PTPN4: variants seen among roughly 807,000 people sequenced by gnomAD.
The protein encoded by PTPN4 is protein tyrosine phosphatase non-receptor type 4.
Under a neutral mutation model 135.5 loss-of-function variants are expected in PTPN4, and 49 were observed. The ratio of observed to expected loss-of-function variants is 0.36; its 90% CI spans 0.29 to 0.46. The LOEUF is 0.46. PTPN4 is among the 20% of genes least tolerant of loss of function. PTPN4 has a pLI of 1.00. For synonymous variants in PTPN4, 333 were observed against 369.9 expected (o/e 0.90, Z 1.14); for missense variants, 860 against 1,101.0 (o/e 0.78, Z 3.10).
At chr2:119,766,623 A>T (rs906605574) in intron 1 of PTPN4, among the ~76,000 whole-genome samples, 1 of 152,124 alleles carries the variant, frequency 6.6e-6, no homozygotes, top group Non-Finnish European at 1.5e-5. Context: ...TAAATAAGGG[A>T]TGATAAGATT....
At position 119,967,871 on chromosome 2, in the gene PTPN4, A is replaced by G. The variant is rs973537316; in HGVS notation, c.2593A>G (p.Met865Val). 1.9e-6 allele frequency: 3 copies of G among 1,611,238 alleles called. No individual in the cohort carries two copies. The highest frequency in any genetic ancestry group is 2.5e-6 in the Non-Finnish European group (3 of 1,178,148). Residue 865 changes from methionine to valine, a missense_variant, in exon 26 of 27, where the codon ATG becomes GTG. By Grantham distance (21) the Met-to-Val change is conservative. Around this residue, in one of 2 missense-constraint regions of PTPN4, gnomAD observed 176 missense variants for 294.1 expected, o/e 0.60. Coordinates refer to ENST00000263708, the MANE Select transcript of PTPN4 (RefSeq NM_002830.4). ...CGGAAGAACTGGGGTTCTTATTACT[A>G]TGGAAACAGCCATGTGTCTCATTGA... ...GIGRTGVLIT[M>V]ETAMCLIECN...
Position 119,793,126 on chromosome 2 carries a change from T to G in PTPN4, c.-17-16711T>G, listed in dbSNP as rs556374840. On this transcript the variant is annotated intron_variant, in intron 1 of 26. Transcript: ENST00000263708. ...TGGAATTTCCTAATCCTAGCAAGCC[T>G]GGGGACGCTGCAGGAGACCAGGGCG... 3.3e-5 allele frequency among the ~76,000 whole-genome samples: 5 copies of G among 152,314 alleles called. No individual in the cohort carries two copies. In the East Asian group the frequency reaches 9.6e-4, roughly 29 times the overall value.
At chr2:119,957,685 A>T (rs1050708529) in intron 22 of PTPN4, among the ~76,000 whole-genome samples, 2 of 152,176 alleles carry the variant, frequency 1.3e-5, no homozygotes, top group African/African-American at 4.8e-5. Context: ...TTTCAAATGT[A>T]CAAAATTAAA....
intron 1 of PTPN4, among the ~76,000 whole-genome samples, chr2:119,800,924 T>C (rs774454265): frequency 2.6e-5 from 4 of 152,166 alleles, no homozygotes; most frequent in Non-Finnish European, 4.4e-5. Context: ...TCTCTACTTC[T>C]GTCGTTACCA....
At chr2:119,948,306 T>C (rs1339368459) in intron 18 of PTPN4, among the ~76,000 whole-genome samples, 1 of 152,072 alleles carries the variant, frequency 6.6e-6, no homozygotes, top group African/African-American at 2.4e-5. Flanking sequence ...AAGATATATC[T>C]AAAGTGTTGA....
At chr2:119,976,705 G>A (rs1399949865) in intron 26 of PTPN4, among the ~76,000 whole-genome samples, 2 of 152,124 alleles carry the variant, frequency 1.3e-5, no homozygotes, top group African/African-American at 4.8e-5. Flanking sequence ...GGTAAATTAG[G>A]TTAATTTTCT....
At chr2:119,851,516 G>T (rs1677591021) in intron 2 of PTPN4, among the ~76,000 whole-genome samples, 1 of 152,104 alleles carries the variant, frequency 6.6e-6, no homozygotes, top group African/African-American at 2.4e-5. Flanking sequence ...CTTACGGTGG[G>T]CTGTCCATAT....
chr2:119,855,329 T>C (rs568625878), intron 2 of PTPN4, among the ~76,000 whole-genome samples: 8 of 152,258 alleles, frequency 5.3e-5, no homozygotes, highest in Non-Finnish European at 1.0e-4. Flanking sequence ...AATTTAAAAA[T>C]AACAAGTTGG....
In PTPN4 at chr2:119,956,905, C is replaced by A. The variant is rs747829867; in HGVS notation, c.2042C>A (p.Ser681Tyr). The A allele has an allele frequency of 6.2e-7, 1 of 1,607,992 alleles. No individual in the cohort carries two copies. The highest frequency in any genetic ancestry group is 8.5e-7 in the Non-Finnish European group (1 of 1,178,602). Residue 681 changes from serine to tyrosine, a missense_variant, in exon 21 of 27, where the codon TCC (serine) becomes TAC (tyrosine). This residue lies in a region of PTPN4 where 684 missense variants were observed against 807.0 expected (regional missense o/e 0.85). Coordinates refer to ENST00000263708, the MANE Select transcript of PTPN4 (RefSeq NM_002830.4). ...MSCAKLPQNISKNRYRDISPY... is the reference protein window; with the variant it reads ...MSCAKLPQNIYKNRYRDISPY... ...TGTGCCAAATTACCTCAGAATATTT[C>A]CAAAAATAGATACAGAGATATTTCG...
At chr2:119,802,852 TGGG>T (rs1197964638) in intron 1 of PTPN4, among the ~76,000 whole-genome samples, 1 of 152,126 alleles carries the variant, frequency 6.6e-6, no homozygotes, top group African/African-American at 2.4e-5. Context: ...AATATTCTGT[TGGG>T]GGAGTTTTAG....
At chr2:119,872,360 A>G (rs1360600750) in intron 3 of PTPN4, among the ~76,000 whole-genome samples, 1 of 152,226 alleles carries the variant, frequency 6.6e-6, no homozygotes, top group African/African-American at 2.4e-5. Flanking sequence ...ATCACAATGT[A>G]TACAGCTACC....
chr2:119,837,484 G>A (rs895455251), intron 2 of PTPN4, among the ~76,000 whole-genome samples: 5 of 151,504 alleles, frequency 3.3e-5, no homozygotes, highest in African/African-American at 1.2e-4. Flanking sequence ...CTATGCTGTC[G>A]CTCCGTGAAC....
intron 10 of PTPN4, 123 bp downstream of exon 10, chr2:119,900,929 T>C (rs993672443): frequency 5.3e-5 from 28 of 525,696 alleles, no homozygotes; most frequent in Admixed American, 2.0e-4. Flanking sequence ...ATAAACTTTA[T>C]ACTTTATCCC....
intron 2 of PTPN4, among the ~76,000 whole-genome samples, chr2:119,860,587 G>A (rs568955554): frequency 6.6e-6 from 1 of 152,274 alleles, no homozygotes; most frequent in South Asian, 2.1e-4. Flanking sequence ...TGTCCTTAGT[G>A]TTTCATCCAT....
At chr2:119,932,682 T>C in intron 14 of PTPN4, 133 bp downstream of exon 14, 1 of 1,079,390 alleles carries the variant, frequency 9.3e-7, no homozygotes, top group African/African-American at 1.6e-5. Context: ...TTTTTGTTGC[T>C]CCAGAGCATT....
chr2:119,858,572 C>T (rs952985924), intron 2 of PTPN4, among the ~76,000 whole-genome samples: 1 of 152,010 alleles, frequency 6.6e-6, no homozygotes, highest in East Asian at 1.9e-4. Context: ...ATGAATGTCA[C>T]CTCATTTTTT....
intron 19 of PTPN4, 24 bp downstream of exon 19, chr2:119,952,153 A>G: frequency 3.8e-6 from 6 of 1,588,602 alleles, no homozygotes; most frequent in Non-Finnish European, 2.6e-6. Context: ...GTAGTACCAG[A>G]TAATTTATAG....
At chr2:119,945,521 T>C (rs1347396975) in intron 16 of PTPN4, among the ~76,000 whole-genome samples, 1 of 152,084 alleles carries the variant, frequency 6.6e-6, no homozygotes, top group Non-Finnish European at 1.5e-5. Flanking sequence ...TCAGATTTTT[T>C]CCTTCAAAGA....
intron 2 of PTPN4, among the ~76,000 whole-genome samples, chr2:119,858,648 CTGT>C (rs940482576): frequency 2.6e-5 from 4 of 151,292 alleles, no homozygotes; most frequent in Admixed American, 6.6e-5. Flanking sequence ...TCTGTTTTTT[CTGT>C]TGTTCTTTTT....
Sources: gnomAD v4.1 joint callset for allele counts (sites outside exome capture counted in the v4.1 genomes callset) on GRCh38, gnomAD v4.1.1 for gene constraint, gnomAD v4.1.1 regional missense constraint, MANE v1.5 for transcripts, NCBI Gene and HGNC (gene_info 2026-07-23, HGNC 2026-07-21) for gene names.